TBX15: variants seen among roughly 807,000 people sequenced by gnomAD.
TBX15 encodes the protein T-box transcription factor 15, also known as T-box transcription factor TBX15.
TBX15 carries 18 observed loss-of-function variants against 53.9 expected under a neutral mutation model. That is an observed-to-expected ratio of 0.33 (90% CI 0.23 to 0.49). TBX15 has a LOEUF of 0.49. TBX15 is among the 20% of genes least tolerant of loss of function. TBX15 has a pLI of 0.98. For synonymous variants in TBX15, 295 were observed against 278.0 expected, an observed-to-expected ratio of 1.06 and a Z score of -0.61; for missense variants, 692 against 749.5, an observed-to-expected ratio of 0.92 and a Z score of 0.90.
At chr1:118,896,537 A>T (rs1654429105) in intron 7 of TBX15, among the ~76,000 whole-genome samples, 2 of 152,138 alleles carry the variant, frequency 1.3e-5, no homozygotes, top group African/African-American at 4.8e-5. Flanking sequence ...CATGACAGAT[A>T]CTCATATGCT....
chr1:118,910,168 G>C (rs1455080563), intron 6 of TBX15, among the ~76,000 whole-genome samples: 1 of 152,106 alleles, frequency 6.6e-6, no homozygotes, highest in Non-Finnish European at 1.5e-5. Flanking sequence ...ACATGTTTTG[G>C]TTTGAGGTTT....
In TBX15 at chr1:118,931,948, G is replaced by C. The variant is rs1245789016; in HGVS notation, c.206-116C>G. Reference sequence around the variant, plus strand: ...GTGGGGAGAGGGGTAAACAAAAGGAGACTTAAAGCTGGGAAGCTCCAGAGC... The same window carrying C: ...GTGGGGAGAGGGGTAAACAAAAGGACACTTAAAGCTGGGAAGCTCCAGAGC... On this transcript the variant is annotated intron_variant, in intron 1 of 7. Transcript: ENST00000369429. The C allele has an allele frequency of 6.2e-6, 6 of 974,936 alleles. No individual in the cohort carries two copies. In the East Asian group the frequency reaches 1.6e-4, roughly 26 times the overall value. 60.4% of individuals were successfully genotyped at this position (974,936 alleles called of 1,614,324 possible).
chr1:118,980,716 A>G (rs530281770), intron 1 of TBX15, among the ~76,000 whole-genome samples: 1 of 152,322 alleles, frequency 6.6e-6, no homozygotes, highest in South Asian at 2.1e-4. Flanking sequence ...TGCCCATCCA[A>G]AATTAATACA....
rs779637470 is a variant in TBX15 at position 118,931,693 on chromosome 1, C to T, written c.345G>A (p.Val115=). 3.1e-6 allele frequency: 5 copies of T among 1,614,088 alleles called. No individual in the cohort carries two copies. Among genetic ancestry groups the T allele is most frequent in the African/African-American group, 1.3e-5 (1 of 75,038 alleles). ...TCCAGAGGTCAGCACATTGCAGCTC[C>T]ACCTGAATCTCCTCCATGGAAGACA... ...AAMSSMEEIQ[V]ELQCADLWKR... Residue 115 remains valine (V), a synonymous_variant, in exon 2 of 8, where the codon GTG becomes GTA. Transcript: ENST00000369429.
At chr1:118,974,457 G>A (rs1255985978) in intron 1 of TBX15, among the ~76,000 whole-genome samples, 1 of 152,142 alleles carries the variant, frequency 6.6e-6, no homozygotes, top group East Asian at 1.9e-4. Flanking sequence ...CCAAAACAGG[G>A]GCAGGGGGCT....
intron 6 of TBX15, among the ~76,000 whole-genome samples, chr1:118,902,580 A>G (rs1489915153): frequency 6.6e-6 from 1 of 152,336 alleles, no homozygotes; most frequent in South Asian, 2.1e-4. Flanking sequence ...GTATCTGAAG[A>G]CAGAAGACAT....
In TBX15 at chr1:118,947,003, C is replaced by T. The variant is rs557214336; in HGVS notation, c.206-15171G>A. On this transcript the variant is annotated intron_variant, in intron 1 of 7. Coordinates refer to ENST00000369429, the MANE Select transcript of TBX15 (RefSeq NM_001330677.2). ...AGTCTGCACAGCAAGTCTGCTGTTG[C>T]GGGACTTGCAGTCCAATCCCCTCAC... Among the ~76,000 whole-genome samples, 11 of 152,338 alleles carry T rather than the reference C, an allele frequency of 7.2e-5. 1 individual carries two copies. Among genetic ancestry groups the T allele is most frequent in the South Asian group, 2.1e-4 (1 of 4,830 alleles).
chr1:118,958,963 A>T (rs1243094092), intron 1 of TBX15, among the ~76,000 whole-genome samples: 1 of 151,768 alleles, frequency 6.6e-6, no homozygotes, highest in African/African-American at 2.4e-5. Flanking sequence ...AATACTAATT[A>T]ATAGGGAGGC....
chr1:118,964,820 T>G (rs1443365983), intron 1 of TBX15, among the ~76,000 whole-genome samples: 1 of 152,222 alleles, frequency 6.6e-6, no homozygotes, highest in Non-Finnish European at 1.5e-5. Context: ...GAGTCATGGT[T>G]TGGGTCCCCC....
In TBX15 at chr1:118,987,929, C is replaced by T. The variant is rs1657898890; in HGVS notation, c.-134G>A. 2.7e-6 allele frequency: 3 copies of T among 1,123,064 alleles called. No homozygotes were observed. Among genetic ancestry groups the T allele is most frequent in the South Asian group, 1.6e-5 (1 of 64,514 alleles). 69.6% of individuals were successfully genotyped at this position (1,123,064 alleles called of 1,614,324 possible). A position where few individuals can be genotyped will look rare whatever the true frequency, so the allele number is the denominator to read the frequency against. On this transcript the variant is annotated 5_prime_UTR_variant, in exon 1 of 8. Transcript: ENST00000369429. ...GTCGGACGAGGCTGAGACTGCGGCT[C>T]GCGGGTCTCTCCACCCTCCCCCTGC... is the stretch of plus-strand genomic sequence containing the variant.
Position 118,988,199 on chromosome 1 carries a change from C to T in TBX15, c.-404G>A, listed in dbSNP as rs557231936. 150 of 178,598 alleles carry T rather than the reference C, an allele frequency of 8.4e-4. 1 individual carries two copies. The highest frequency in any genetic ancestry group is 1.9e-3 in the South Asian group (13 of 6,880). 11.1% of individuals were successfully genotyped at this position (178,598 alleles called of 1,614,324 possible). A position where few individuals can be genotyped will look rare whatever the true frequency, so the allele number is the denominator to read the frequency against. ...CTCCCTCTCTTTTTCTCTCCTCCCC[C>T]TCTCTCTCTCTTCCTCTCTGCCTTC... On this transcript the variant is annotated 5_prime_UTR_variant, in exon 1 of 8. Coordinates refer to ENST00000369429, the MANE Select transcript of TBX15 (RefSeq NM_001330677.2).
At chr1:118,889,900 C>T (rs1264133920) in intron 7 of TBX15, among the ~76,000 whole-genome samples, 1 of 152,066 alleles carries the variant, frequency 6.6e-6, no homozygotes, top group Admixed American at 6.6e-5. Flanking sequence ...AGCCTCAAAG[C>T]ATTGGGATTA....
chr1:118,923,357 G>A (rs532278734), intron 5 of TBX15, 79 bp downstream of exon 5: 3 of 1,572,320 alleles, frequency 1.9e-6, no homozygotes, highest in African/African-American at 1.3e-5. Context: ...TCCCCTGAAA[G>A]TAAATAATAC....
At chr1:118,890,858 T>G (rs749061139) in intron 7 of TBX15, 17 of 1,300,424 alleles carry the variant, frequency 1.3e-5, no homozygotes, top group Non-Finnish European at 1.7e-5. Context: ...TAAATTTCCA[T>G]GTAATTACTT....
intron 1 of TBX15, among the ~76,000 whole-genome samples, chr1:118,973,076 ATGTAT>A: frequency 6.6e-6 from 1 of 152,212 alleles, no homozygotes; most frequent in African/African-American, 2.4e-5. Flanking sequence ...AATTGACATG[ATGTAT>A]GTACCAGGTA....
At chr1:118,980,013 A>G (rs2101051940) in intron 1 of TBX15, among the ~76,000 whole-genome samples, 1 of 152,346 alleles carries the variant, frequency 6.6e-6, no homozygotes, top group East Asian at 1.9e-4. Context: ...AGACGCGGCC[A>G]CGGCCTAATT....
intron 5 of TBX15, among the ~76,000 whole-genome samples, chr1:118,922,501 G>A (rs751216415): frequency 1.3e-5 from 2 of 152,090 alleles, no homozygotes; most frequent in Admixed American, 6.6e-5. Flanking sequence ...ATAGCTCTAC[G>A]AGGCAGGCGC....
At chr1:118,915,128 G>C (rs1655156224) in intron 5 of TBX15, among the ~76,000 whole-genome samples, 1 of 152,164 alleles carries the variant, frequency 6.6e-6, no homozygotes, top group South Asian at 2.1e-4. Context: ...CTTTGTGTCT[G>C]AATTGTTAAT....
intron 1 of TBX15, among the ~76,000 whole-genome samples, chr1:118,980,044 A>C (rs762718013): frequency 6.6e-6 from 1 of 152,246 alleles, no homozygotes; most frequent in Non-Finnish European, 1.5e-5. Context: ...AAGGTCACCG[A>C]AACTGCGCTG....
Sources: allele counts gnomAD v4.1 joint callset (sites outside exome capture counted in the v4.1 genomes callset), GRCh38; gene constraint gnomAD v4.1.1; transcripts MANE v1.5; gene names NCBI Gene and HGNC (gene_info 2026-07-23, HGNC 2026-07-21).